PDE11A: variants seen among roughly 807,000 people sequenced by gnomAD.
PDE11A encodes phosphodiesterase 11A.
PDE11A carries 100 observed loss-of-function variants against 100.5 expected under a neutral mutation model. That is an observed-to-expected ratio of 1.00 (90% CI 0.85 to 1.18). The LOEUF is 1.18. Among genes scored for constraint, PDE11A ranks in the 50% most tolerant of loss-of-function variants. The probability of loss-of-function intolerance (pLI) is 0.00; values close to 1 mark genes in which losing one functional copy is unlikely to be tolerated. For missense variants in PDE11A, 1,141 were observed against 1,152.6 expected (o/e 0.99, Z 0.15); for synonymous variants, 381 against 420.8 (o/e 0.91, Z 1.16).
intron 19 of PDE11A, among the ~76,000 whole-genome samples, chr2:177,638,291 G>A (rs1035141330): frequency 1.7e-4 from 26 of 151,938 alleles, no homozygotes; most frequent in African/African-American, 6.0e-4. Context: ...GAGCCACCGC[G>A]CCCAGCCTAC....
chr2:177,870,814 G>A (rs1031629640), intron 5 of PDE11A, among the ~76,000 whole-genome samples: 4 of 152,152 alleles, frequency 2.6e-5, no homozygotes, highest in African/African-American at 9.7e-5. Flanking sequence ...CAAAAATAGT[G>A]TCATGTTGTT....
intron 5 of PDE11A, among the ~76,000 whole-genome samples, chr2:177,847,821 C>T (rs1558970077): frequency 6.6e-6 from 1 of 152,190 alleles, no homozygotes. Flanking sequence ...CCTATTTAAA[C>T]AGCTCCTTTT....
chr2:178,029,896 C>A (rs145538303), intron 1 of PDE11A, among the ~76,000 whole-genome samples: 2 of 152,146 alleles, frequency 1.3e-5, no homozygotes, highest in African/African-American at 4.8e-5. Context: ...AGAAGTGGGT[C>A]TGCCTCTCCC....
At chr2:178,053,451 C>A (rs2086854898) in intron 1 of PDE11A, among the ~76,000 whole-genome samples, 1 of 152,092 alleles carries the variant, frequency 6.6e-6, no homozygotes, top group African/African-American at 2.4e-5. Context: ...TGAAAACTGG[C>A]AGAAGACAGG....
chr2:177,651,437 G>A (rs902482653), intron 19 of PDE11A, among the ~76,000 whole-genome samples: 2 of 152,102 alleles, frequency 1.3e-5, no homozygotes, highest in Non-Finnish European at 2.9e-5. Flanking sequence ...ACTTTGTGAG[G>A]CCCAAAACCT....
intron 1 of PDE11A, among the ~76,000 whole-genome samples, chr2:178,020,142 G>C (rs747918965): frequency 3.9e-5 from 6 of 152,188 alleles, no homozygotes; most frequent in Non-Finnish European, 7.3e-5. Context: ...GCCTTAAAAT[G>C]GGGAGGAACA....
At chr2:177,818,283 T>TA (rs59704242) in intron 7 of PDE11A, among the ~76,000 whole-genome samples, 2 of 144,120 alleles carry the variant, frequency 1.4e-5, no homozygotes, top group African/African-American at 5.4e-5. Flanking sequence ...TATATATATA[T>TA]TTCAACTGAA....
intron 10 of PDE11A, among the ~76,000 whole-genome samples, chr2:177,737,264 T>TA (rs377340256): frequency 8.3e-5 from 12 of 144,704 alleles, no homozygotes; most frequent in Non-Finnish European, 1.2e-4. Context: ...AATAAATAAA[T>TA]AAATAAAATA....
At chr2:177,669,619 C>T in intron 17 of PDE11A, 52 bp from the exon 18 acceptor site, 1 of 834,602 alleles carries the variant, frequency 1.2e-6, no homozygotes, top group Non-Finnish European at 2.1e-6. Flanking sequence ...TATCACGAGA[C>T]TCAGAAGTTC....
At chr2:177,961,367 A>G (rs1358624764) in intron 2 of PDE11A, among the ~76,000 whole-genome samples, 1 of 152,072 alleles carries the variant, frequency 6.6e-6, no homozygotes, top group African/African-American at 2.4e-5. Context: ...CAGCCTGCTG[A>G]GACCTTTCCT....
chr2:178,027,518 T>C (rs2086492582), intron 1 of PDE11A, among the ~76,000 whole-genome samples: 1 of 152,106 alleles, frequency 6.6e-6, no homozygotes, highest in Admixed American at 6.5e-5. Context: ...TGGAGGTGGG[T>C]CGATATTCAT....
intron 5 of PDE11A, among the ~76,000 whole-genome samples, chr2:177,865,133 G>T (rs1031081255): frequency 6.6e-6 from 1 of 152,048 alleles, no homozygotes; most frequent in Non-Finnish European, 1.5e-5. Context: ...ACAAAAATTA[G>T]CCAGGCTTGG....
intron 3 of PDE11A, among the ~76,000 whole-genome samples, chr2:177,903,609 G>C (rs539020179): frequency 3.3e-5 from 5 of 152,224 alleles, no homozygotes; most frequent in Non-Finnish European, 5.9e-5. Flanking sequence ...TGTAGTTGGA[G>C]AGGCGGGCCC....
At chr2:177,663,469 T>C (rs1276440705) in intron 19 of PDE11A, among the ~76,000 whole-genome samples, 1 of 146,208 alleles carries the variant, frequency 6.8e-6, no homozygotes, top group Non-Finnish European at 1.5e-5. Context: ...TGGTCAAATA[T>C]GTTTGAGAAA....
intron 2 of PDE11A, among the ~76,000 whole-genome samples, chr2:177,949,969 A>C (rs1166973331): frequency 3.3e-5 from 5 of 152,110 alleles, no homozygotes; most frequent in African/African-American, 1.2e-4. Flanking sequence ...TAGCAGGAAA[A>C]ATAAAGATAA....
At chr2:178,059,121 A>G (rs1048340453) in intron 1 of PDE11A, among the ~76,000 whole-genome samples, 1 of 152,236 alleles carries the variant, frequency 6.6e-6, no homozygotes, top group African/African-American at 2.4e-5. Flanking sequence ...GTTCACATAC[A>G]GTCCAGCCTC....
At chr2:177,696,300 G>C (rs1051104365) in intron 15 of PDE11A, among the ~76,000 whole-genome samples, 2 of 152,146 alleles carry the variant, frequency 1.3e-5, no homozygotes, top group African/African-American at 4.8e-5. Flanking sequence ...AATGAGGCCA[G>C]GGGAGTGGTC....
intron 5 of PDE11A, among the ~76,000 whole-genome samples, chr2:177,855,109 C>T (rs1574220247): frequency 6.6e-6 from 1 of 152,016 alleles, no homozygotes; most frequent in Admixed American, 6.6e-5. Context: ...ATACAAAACA[C>T]CTATTACATC....
chr2:177,833,278 T>TTATAA (rs1204221657), intron 6 of PDE11A, among the ~76,000 whole-genome samples: 2 of 152,194 alleles, frequency 1.3e-5, no homozygotes, highest in East Asian at 3.9e-4. Flanking sequence ...TCTGCACAGT[T>TTATAA]TATAAGATAT....
Sources: allele counts gnomAD v4.1 joint callset (sites outside exome capture counted in the v4.1 genomes callset), GRCh38; gene constraint gnomAD v4.1.1; transcripts MANE v1.5; gene names NCBI Gene and HGNC (gene_info 2026-07-23, HGNC 2026-07-21).